Variants in HERC1 observed in about 807,000 individuals in gnomAD.
HERC1 encodes probable E3 ubiquitin-protein ligase HERC1.
A neutral mutation model predicts 554.3 loss-of-function variants in HERC1; 160 were observed. The ratio of observed to expected loss-of-function variants is 0.29; its 90% confidence interval spans 0.25 to 0.33. HERC1 has a LOEUF of 0.33. Among genes scored for constraint, HERC1 ranks in the 10% least tolerant of loss-of-function variants. The pLI, the probability that HERC1 is intolerant of heterozygous loss-of-function variation, is 1.00. For synonymous variants in HERC1, 2,175 were observed against 2,131.7 expected (o/e 1.02, Z -0.56); for missense variants, 4,919 against 5,918.5 (o/e 0.83, Z 5.54).
chr15:63,645,924 G>A (rs2069313470), intron 55 of HERC1, among the ~76,000 whole-genome samples: 1 of 152,074 alleles, frequency 6.6e-6, no homozygotes, highest in African/African-American at 2.4e-5. Flanking sequence ...AATGTTAGCA[G>A]GATAAATGAA....
At chr15:63,664,358 G>T in intron 43 of HERC1, 112 bp downstream of exon 43, 1 of 880,746 alleles carries the variant, frequency 1.1e-6, no homozygotes, top group Non-Finnish European at 1.7e-6. Context: ...TTCTGTTAAT[G>T]TGGAGGGACT....
intron 12 of HERC1, among the ~76,000 whole-genome samples, chr15:63,745,096 CT>C (rs2075008061): frequency 6.6e-6 from 1 of 152,184 alleles, no homozygotes; most frequent in East Asian, 1.9e-4. Context: ...GACTGGTCCC[CT>C]ATCCTGCTGT....
intron 1 of HERC1, among the ~76,000 whole-genome samples, chr15:63,795,395 T>C (rs1044752874): frequency 2.6e-5 from 4 of 152,150 alleles, no homozygotes; most frequent in Admixed American, 6.5e-5. Flanking sequence ...TGAGAGATGT[T>C]GATAGCACCT....
chr15:63,706,011 C>G (rs1177730116), intron 25 of HERC1, among the ~76,000 whole-genome samples: 1 of 66,072 alleles, frequency 1.5e-5, no homozygotes, highest in Non-Finnish European at 2.7e-5. Context: ...GCCTGGACAA[C>G]AAAGCAAGAC....
At chr15:63,706,103 C>A (rs2072993452) in intron 25 of HERC1, among the ~76,000 whole-genome samples, 1 of 148,066 alleles carries the variant, frequency 6.8e-6, no homozygotes, top group Admixed American at 6.7e-5. Context: ...TTTTAGTTAT[C>A]ATTGGATTTA....
intron 51 of HERC1, 45 bp downstream of exon 51, chr15:63,654,074 A>T: frequency 6.8e-7 from 1 of 1,461,584 alleles, no homozygotes; most frequent in African/African-American, 1.4e-5. Flanking sequence ...AGACTATTTC[A>T]TCTTACATAA....
intron 1 of HERC1, among the ~76,000 whole-genome samples, chr15:63,829,561 G>GTATATATA (rs60037018): frequency 2.7e-4 from 22 of 81,708 alleles, no homozygotes; most frequent in African/African-American, 8.8e-4. Flanking sequence ...GTGTGTGTGT[G>GTATATATA]TATATATATA....
At position 63,656,216 on chromosome 15, in the gene HERC1, G is replaced by T; in HGVS notation, c.9742C>A (p.Arg3248=). The T allele has an allele frequency of 6.2e-7, 1 of 1,613,362 alleles. No homozygotes were observed. Among genetic ancestry groups the T allele is most frequent in the Non-Finnish European group, 8.5e-7 (1 of 1,179,614 alleles). Residue 3248 remains arginine, a synonymous_variant, in exon 49 of 78, where the codon CGA becomes AGA. Coordinates refer to ENST00000443617, the MANE Select transcript of HERC1 (RefSeq NM_003922.4). The part of the protein sequence containing the change: ...SPSAMASTSE[R]SRGGHSKANK... ...GCCTTGCTATGCCCACCTCGTGATCGTTCTGAGGTGCTAGCCATGGCAGAA... is the reference window on the plus strand; with the variant it reads ...GCCTTGCTATGCCCACCTCGTGATCTTTCTGAGGTGCTAGCCATGGCAGAA...
At chr15:63,682,441 C>T (rs1309052252) in intron 34 of HERC1, among the ~76,000 whole-genome samples, 1 of 152,170 alleles carries the variant, frequency 6.6e-6, no homozygotes, top group Non-Finnish European at 1.5e-5. Context: ...TAGTTGCTCT[C>T]TCCTCCAGTG....
chr15:63,819,990 G>C (rs2077629734), intron 1 of HERC1, among the ~76,000 whole-genome samples: 1 of 152,164 alleles, frequency 6.6e-6, no homozygotes, highest in African/African-American at 2.4e-5. Flanking sequence ...TGGATGTTAA[G>C]TGTTCTCACC....
At chr15:63,696,907 T>C (rs993985383) in intron 26 of HERC1, among the ~76,000 whole-genome samples, 1 of 151,290 alleles carries the variant, frequency 6.6e-6, no homozygotes, top group African/African-American at 2.4e-5. Flanking sequence ...CCCATCACTG[T>C]AGTTGATCAG....
At chr15:63,657,950 A>G (rs1198827657) in intron 48 of HERC1, among the ~76,000 whole-genome samples, 8 of 152,120 alleles carry the variant, frequency 5.3e-5, no homozygotes, top group African/African-American at 7.2e-5. Flanking sequence ...TCAAGTGTTT[A>G]TTTATATGTA....
intron 1 of HERC1, among the ~76,000 whole-genome samples, chr15:63,819,909 A>G (rs959540374): frequency 1.3e-5 from 2 of 152,220 alleles, no homozygotes; most frequent in African/African-American, 4.8e-5. Flanking sequence ...CAAATTCCTT[A>G]TCTGCAAATA....
chr15:63,761,743 A>C (rs1189764568), intron 3 of HERC1, among the ~76,000 whole-genome samples: 1 of 152,230 alleles, frequency 6.6e-6, no homozygotes, highest in African/African-American at 2.4e-5. Context: ...ACTGCTGTTT[A>C]TGTGTCTATG....
chr15:63,657,584 TTTC>T lies in HERC1; in HGVS notation c.9599+957_9599+959del, dbSNP rs1379452408. Among the ~76,000 whole-genome samples, 25 of 152,186 alleles carry T rather than the reference TTTC, an allele frequency of 1.6e-4. No individual in the cohort carries two copies. In the East Asian group the frequency reaches 2.7e-3, roughly 16 times the overall value. ...CCCATTCTATGGCTTGCTTTTTTAC[TTTC>T]TTACTTTTCAAATCACTTTTGCTAA... On this transcript the variant is annotated intron_variant, in intron 48 of 77. Transcript: ENST00000443617.
At chr15:63,788,919 A>G (rs965999422) in intron 1 of HERC1, among the ~76,000 whole-genome samples, 3 of 151,780 alleles carry the variant, frequency 2.0e-5, no homozygotes, top group Non-Finnish European at 4.4e-5. Flanking sequence ...GAGAAAGTAC[A>G]TTAATAGGAG....
chr15:63,829,782 T>C (rs1274066738), intron 1 of HERC1, among the ~76,000 whole-genome samples: 1 of 151,536 alleles, frequency 6.6e-6, no homozygotes, highest in African/African-American at 2.4e-5. Flanking sequence ...TGGAACAGCC[T>C]GTGGCCCCAG....
intron 74 of HERC1, among the ~76,000 whole-genome samples, chr15:63,618,695 G>C (rs371579039): frequency 7.2e-5 from 11 of 152,264 alleles, no homozygotes; most frequent in East Asian, 3.9e-4. Context: ...GTGGTTTGTA[G>C]TTCTCCTTGA....
Position 63,641,622 on chromosome 15 carries a change from T to C in HERC1, c.11455A>G (p.Thr3819Ala). ...TGATTGGCAGCTGCCCATTCTGCTG[T>C]ACAATTCACGACCAAAACATCCTGG... The part of the protein sequence containing the change: ...RSKDVLVVNC[T>A]AEWAAANHVL... The change falls in exon 60 of 78, where the codon ACA becomes GCA. Residue 3819 changes from threonine to alanine, a missense_variant. By Grantham distance (58) the Thr-to-Ala change is moderately conservative. Transcript: ENST00000443617. 1 of 1,560,128 alleles carries C rather than the reference T, an allele frequency of 6.4e-7. No homozygotes were observed. The highest frequency in any genetic ancestry group is 8.7e-7 in the Non-Finnish European group (1 of 1,150,308).
Sources: allele counts gnomAD v4.1 joint callset (sites outside exome capture counted in the v4.1 genomes callset), GRCh38; gene constraint gnomAD v4.1.1; transcripts MANE v1.5; gene names NCBI Gene and HGNC (gene_info 2026-07-23, HGNC 2026-07-21).